The following MYO1E variants were observed in gnomAD, a reference collection of about 807,000 sequenced individuals.
MYO1E encodes myosin IE, also known as unconventional myosin-Ie.
A neutral mutation model predicts 151.1 loss-of-function variants in MYO1E; 68 were observed. The ratio of observed to expected loss-of-function variants is 0.45; its 90% CI spans 0.37 to 0.55. The LOEUF (loss-of-function observed/expected upper bound fraction) is 0.55, where lower values mean the gene tolerates loss of function less well. Among genes scored for constraint, MYO1E ranks in the 20% least tolerant of loss-of-function variants. The pLI, the probability that MYO1E is intolerant of heterozygous loss-of-function variation, is 0.00. For synonymous variants in MYO1E, 601 were observed against 501.7 expected (o/e 1.20, Z -2.64); for missense variants, 1,363 against 1,389.3 (o/e 0.98, Z 0.30).
rs1945811010 is a variant in MYO1E at position 59,137,452 on chromosome 15, A to G, written c.3255T>C (p.Pro1085=). The change falls in exon 28 of 28, where the codon CCT becomes CCC. Residue 1085 remains proline, a synonymous_variant. Transcript: ENST00000288235. ...GTAGTCGACCCGTCCACCAGCCAGAAGGATCTGCAGGGAGAGAGAGGTGGT... is the reference window on the plus strand; with the variant it reads ...GTAGTCGACCCGTCCACCAGCCAGAGGGATCTGCAGGGAGAGAGAGGTGGT... The part of the protein sequence containing the change: ...NDIIDIIKED[P]SGWWTGRLRG... 1 of 1,614,118 alleles carries G rather than the reference A, an allele frequency of 6.2e-7. No homozygotes were observed. The highest frequency in any genetic ancestry group is 1.7e-5 in the Admixed American group (1 of 60,028).
intron 9 of MYO1E, among the ~76,000 whole-genome samples, chr15:59,220,207 G>C (rs1177374101): frequency 6.6e-6 from 1 of 152,216 alleles, no homozygotes; most frequent in Non-Finnish European, 1.5e-5. Flanking sequence ...ACTGCACTTT[G>C]GGAGGCCCAG....
intron 1 of MYO1E, among the ~76,000 whole-genome samples, chr15:59,353,356 CAAAA>C (rs1205997737): frequency 6.9e-5 from 4 of 57,554 alleles, no homozygotes; most frequent in African/African-American, 1.2e-4. Context: ...GACCCTGTCT[CAAAA>C]AAAAAAAAAA....
chr15:59,274,693 A>G (rs549161624), intron 1 of MYO1E, among the ~76,000 whole-genome samples: 3 of 152,312 alleles, frequency 2.0e-5, no homozygotes, highest in African/African-American at 7.2e-5. Context: ...CTGCCTTCCT[A>G]GCGTAACCCA....
chr15:59,324,665 C>CCCG (rs2080651531), intron 1 of MYO1E, among the ~76,000 whole-genome samples: 1 of 6,254 alleles, frequency 1.6e-4, no homozygotes, highest in South Asian at 7.4e-3. Context: ...CATCCCAAGC[C>CCCG]CCCCCCCCAC....
intron 1 of MYO1E, among the ~76,000 whole-genome samples, chr15:59,352,999 G>T (rs145718542): frequency 6.6e-6 from 1 of 152,026 alleles, no homozygotes; most frequent in Non-Finnish European, 1.5e-5. Context: ...CCCAAACTCC[G>T]GTTTGCAGGG....
intron 2 of MYO1E, 118 bp from the exon 3 acceptor site, chr15:59,261,627 T>C (rs1390613690): frequency 2.8e-6 from 2 of 721,546 alleles, no homozygotes; most frequent in Non-Finnish European, 4.9e-6. Flanking sequence ...GTTTGTGTAC[T>C]TGTTTTCTAA....
rs370466453 is a variant in MYO1E at position 59,223,209 on chromosome 15, A to C, written c.778-18T>G. The C allele has an allele frequency of 4.3e-6, 7 of 1,614,222 alleles. No individual in the cohort carries two copies. The highest frequency in any genetic ancestry group is 1.7e-5 in the Admixed American group (1 of 60,028). The stretch of plus-strand genomic sequence containing the variant: ...ATGGCGTGCTGGAAGAGAAAAGAGA[A>C]ACTATCCAGAGAAGCTGGTCACCAG... On this transcript the variant is annotated intron_variant, in intron 8 of 27. Coordinates refer to ENST00000288235, the MANE Select transcript of MYO1E (RefSeq NM_004998.4).
Position 59,238,113 on chromosome 15 carries a change from G to GGGACGAGGTGTCACACTCTTCCAGA in MYO1E, c.333-1466_333-1442dup, listed in dbSNP as rs1462355350. The stretch of plus-strand genomic sequence containing the variant: ...TAGCAAGTAGAAAACCAGCAAGCCT[G>GGGACGAGGTGTCACACTCTTCCAGA]GGACGAGGTGTCACACTCTTCCAGA... On this transcript the variant is annotated intron_variant, in intron 4 of 27. Coordinates refer to ENST00000288235, the MANE Select transcript of MYO1E (RefSeq NM_004998.4). Among the ~76,000 whole-genome samples the GGGACGAGGTGTCACACTCTTCCAGA allele has an allele frequency of 7.2e-5, 11 of 152,158 alleles. No homozygotes were observed. The East Asian group carries it at 1.3e-3, about 19-fold the overall frequency.
At chr15:59,291,518 T>G (rs1410103873) in intron 1 of MYO1E, among the ~76,000 whole-genome samples, 3 of 151,914 alleles carry the variant, frequency 2.0e-5, no homozygotes, top group Non-Finnish European at 4.4e-5. Context: ...TTTTATTTAT[T>G]TTTTAAATTT....
At chr15:59,189,267 C>T (rs1470739830) in intron 17 of MYO1E, among the ~76,000 whole-genome samples, 1 of 152,150 alleles carries the variant, frequency 6.6e-6, no homozygotes, top group Non-Finnish European at 1.5e-5. Context: ...GCCACTTTGC[C>T]CAGGCTGGTC....
In MYO1E at chr15:59,214,351, C is replaced by A. The variant is rs141309150; in HGVS notation, c.1189-37G>T. On this transcript the variant is annotated intron_variant, in intron 11 of 27. Coordinates refer to ENST00000288235, the MANE Select transcript of MYO1E (RefSeq NM_004998.4). ...AAGTTATTCACATGTAATTCTTTCA[C>A]AAAATCATTTAAAAGTCATTTCTGG... 4.5e-4 allele frequency: 659 copies of A among 1,453,846 alleles called. 2 individuals carry two copies. In the African/African-American group the frequency reaches 7.8e-3, roughly 17 times the overall value. 90.1% of individuals were successfully genotyped at this position (1,453,846 alleles called of 1,614,324 possible). A position where few individuals can be genotyped will look rare whatever the true frequency, so the allele number is the denominator to read the frequency against.
At chr15:59,227,730 C>T in intron 6 of MYO1E, 140 bp from the exon 7 acceptor site, 1 of 1,188,638 alleles carries the variant, frequency 8.4e-7, no homozygotes. Flanking sequence ...TGAGTCTAGA[C>T]TTCCTTAGTT....
chr15:59,368,213 T>C (rs1399455155), intron 1 of MYO1E, among the ~76,000 whole-genome samples: 1 of 152,228 alleles, frequency 6.6e-6, no homozygotes, highest in African/African-American at 2.4e-5. Context: ...ATATGGTCGA[T>C]ATAACCATGG....
chr15:59,363,719 G>A (rs1290587908), intron 1 of MYO1E, among the ~76,000 whole-genome samples: 3 of 152,150 alleles, frequency 2.0e-5, no homozygotes, highest in African/African-American at 7.2e-5. Flanking sequence ...GTATATGGAA[G>A]CCTTTTGTTA....
intron 17 of MYO1E, among the ~76,000 whole-genome samples, chr15:59,193,064 A>ACAGTCTAGTTCTTAGCTCTAGATCC (rs2079743710): frequency 6.6e-6 from 1 of 151,242 alleles, no homozygotes; most frequent in African/African-American, 2.4e-5. Context: ...GCACCGGGAC[A>ACAGTCTAGTTCTTAGCTCTAGATCC]CAGTCTAGTT....
At chr15:59,222,913 G>T in intron 9 of MYO1E, 146 bp downstream of exon 9, 2 of 1,259,956 alleles carry the variant, frequency 1.6e-6, no homozygotes, top group Non-Finnish European at 2.2e-6. Context: ...CTCTCGTGAA[G>T]CCATTCTGTT....
intron 1 of MYO1E, among the ~76,000 whole-genome samples, chr15:59,343,445 T>C (rs1162406404): frequency 6.6e-6 from 1 of 152,216 alleles, no homozygotes; most frequent in East Asian, 1.9e-4. Flanking sequence ...CCTTTCTTTA[T>C]CCTTGACCTT....
rs552541162 is a variant in MYO1E at position 59,185,626 on chromosome 15, A to T, written c.1904+2492T>A. Among the ~76,000 whole-genome samples the T allele has an allele frequency of 5.4e-4, 83 of 152,352 alleles. 2 individuals are homozygous for T. The Middle Eastern group carries it at 0.037, about 69-fold the overall frequency. On this transcript the variant is annotated intron_variant, in intron 18 of 27. Transcript: ENST00000288235. ...CATGGTAGCTGATGCCTGTAATCCC[A>T]GCAGTTTGGGAGGCTAAGGCAGGAG...
intron 1 of MYO1E, among the ~76,000 whole-genome samples, chr15:59,331,993 C>T (rs1318058673): frequency 6.6e-6 from 1 of 152,182 alleles, no homozygotes; most frequent in Non-Finnish European, 1.5e-5. Flanking sequence ...TGGAATGAAG[C>T]CCAACGGCTC....
Sources: allele counts gnomAD v4.1 joint callset (sites outside exome capture counted in the v4.1 genomes callset), GRCh38; gene constraint gnomAD v4.1.1; transcripts MANE v1.5; gene names NCBI Gene and HGNC (gene_info 2026-07-23, HGNC 2026-07-21).